The following PRKACB variants were observed in gnomAD, a reference collection of about 807,000 sequenced individuals.
PRKACB encodes the protein protein kinase cAMP-activated catalytic subunit beta, also known as cAMP-dependent protein kinase catalytic subunit beta.
A neutral mutation model predicts 51.4 loss-of-function variants in PRKACB; 16 were observed. That is an observed-to-expected ratio of 0.31 (90% CI 0.21 to 0.47). PRKACB has a LOEUF of 0.47. Ranked by LOEUF, PRKACB falls within the 20% of genes least tolerant of loss-of-function variation. The pLI, the probability that PRKACB is intolerant of heterozygous loss-of-function variation, is 1.00. For synonymous variants in PRKACB, 147 were observed against 154.4 expected (o/e 0.95, Z 0.35); for missense variants, 309 against 464.5 (o/e 0.67, Z 3.08).
chr1:84,112,093 CA>C (rs1323656918), intron 1 of PRKACB, among the ~76,000 whole-genome samples: 1 of 151,606 alleles, frequency 6.6e-6, no homozygotes, highest in African/African-American at 2.4e-5. Flanking sequence ...CTCAAAGACA[CA>C]AGATTAAATG....
At chr1:84,158,725 T>C (rs1655820962) in intron 1 of PRKACB, among the ~76,000 whole-genome samples, 1 of 152,172 alleles carries the variant, frequency 6.6e-6, no homozygotes, top group Non-Finnish European at 1.5e-5. Flanking sequence ...TGGTACCAGA[T>C]CTTAAGAAAT....
chr1:84,126,661 C>T (rs539675578), intron 1 of PRKACB, among the ~76,000 whole-genome samples: 183 of 152,254 alleles, frequency 1.2e-3, no homozygotes, highest in Middle Eastern at 3.4e-3. Flanking sequence ...GTGTGGCCCT[C>T]GTTGGGGTCT....
chr1:84,204,481 G>T, intron 8 of PRKACB: 2 of 1,589,368 alleles, frequency 1.3e-6, no homozygotes, highest in Non-Finnish European at 1.7e-6. Flanking sequence ...TCTCCCAGCA[G>T]AACTTTTGAT....
chr1:84,218,855 T>A (rs531117915), intron 9 of PRKACB, among the ~76,000 whole-genome samples: 1 of 152,234 alleles, frequency 6.6e-6, no homozygotes, highest in African/African-American at 2.4e-5. Context: ...CGATGATATC[T>A]CACTGTGGTT....
chr1:84,234,749 G>A (rs1231265405), intron 9 of PRKACB, among the ~76,000 whole-genome samples: 1 of 152,222 alleles, frequency 6.6e-6, no homozygotes, highest in Admixed American at 6.5e-5. Context: ...TCCTGAGTGA[G>A]GCAATGCCTT....
chr1:84,080,513 G>A (rs1400321942), intron 1 of PRKACB, among the ~76,000 whole-genome samples: 2 of 152,134 alleles, frequency 1.3e-5, no homozygotes, highest in African/African-American at 4.8e-5. Context: ...AAAAAAAATA[G>A]CATGTTATGT....
chr1:84,206,669 C>T (rs563992307), intron 8 of PRKACB, among the ~76,000 whole-genome samples: 2 of 152,192 alleles, frequency 1.3e-5, no homozygotes, highest in Non-Finnish European at 2.9e-5. Context: ...TATGCACCCT[C>T]TGCCTAGCAC....
chr1:84,158,230 G>A (rs563200335), intron 1 of PRKACB, among the ~76,000 whole-genome samples: 15 of 152,098 alleles, frequency 9.9e-5, no homozygotes, highest in African/African-American at 3.4e-4. Flanking sequence ...TAGACATGGG[G>A]TTTTACTATG....
intron 1 of PRKACB, among the ~76,000 whole-genome samples, chr1:84,103,401 G>C (rs1446883335): frequency 6.7e-6 from 1 of 149,954 alleles, no homozygotes; most frequent in Non-Finnish European, 1.5e-5. Context: ...TAGCCACTTA[G>C]AGAGAAAGAG....
intron 1 of PRKACB, among the ~76,000 whole-genome samples, chr1:84,108,260 G>T (rs1329236326): frequency 6.6e-6 from 1 of 151,990 alleles, no homozygotes; most frequent in Non-Finnish European, 1.5e-5. Flanking sequence ...ACTTATAAGT[G>T]GGAGCTAAAT....
At chr1:84,083,445 A>C (rs1234592082) in intron 1 of PRKACB, among the ~76,000 whole-genome samples, 1 of 152,096 alleles carries the variant, frequency 6.6e-6, no homozygotes, top group African/African-American at 2.4e-5. Flanking sequence ...CTGTAGACAG[A>C]TTGTTGCTTT....
intron 1 of PRKACB, among the ~76,000 whole-genome samples, chr1:84,091,616 C>T (rs370052194): frequency 1.1e-3 from 173 of 152,062 alleles, no homozygotes; most frequent in African/African-American, 3.9e-3. Flanking sequence ...TGATCCCTCC[C>T]GCCTTAGCCT....
chr1:84,196,694 A>G lies in PRKACB; in HGVS notation c.639A>G (p.Arg213=). ...TCCATTCACTAGACCTCATCTACAG[A>G]GATCTAAAACCTGAAAATCTCTTAA... ...EYLHSLDLIY[R]DLKPENLLID... is the part of the protein sequence containing the mutation. The change falls in exon 6 of 10, where the codon AGA becomes AGG. Residue 213 remains arginine (R), a synonymous_variant. Coordinates refer to ENST00000370685, the MANE Select transcript of PRKACB (RefSeq NM_182948.4). 6.2e-7 allele frequency: 1 copy of G among 1,613,396 alleles called. No homozygotes were observed. Among genetic ancestry groups the G allele is most frequent in the African/African-American group, 1.3e-5 (1 of 75,018 alleles).
chr1:84,176,669 C>CA (rs1160625534), intron 1 of PRKACB, among the ~76,000 whole-genome samples: 3 of 151,556 alleles, frequency 2.0e-5, no homozygotes, highest in Non-Finnish European at 4.4e-5. Flanking sequence ...ACTTAGTGCC[C>CA]ATCCTTTAAT....
At chr1:84,107,236 A>T (rs1649825410) in intron 1 of PRKACB, among the ~76,000 whole-genome samples, 1 of 152,184 alleles carries the variant, frequency 6.6e-6, no homozygotes, top group Admixed American at 6.5e-5. Context: ...GCAATGGAGA[A>T]AGGACTCCCT....
At chr1:84,218,394 G>T (rs899250365) in intron 9 of PRKACB, among the ~76,000 whole-genome samples, 3 of 152,094 alleles carry the variant, frequency 2.0e-5, no homozygotes, top group African/African-American at 7.2e-5. Context: ...GGTTCCACAT[G>T]TAAGTAAGAA....
chr1:84,082,272 C>T (rs1427066812), intron 1 of PRKACB, among the ~76,000 whole-genome samples: 5 of 152,014 alleles, frequency 3.3e-5, no homozygotes, highest in African/African-American at 1.2e-4. Context: ...ATAGAATAGC[C>T]GATGCTAAGA....
At chr1:84,105,764 G>A (rs1014168747) in intron 1 of PRKACB, among the ~76,000 whole-genome samples, 2 of 151,914 alleles carry the variant, frequency 1.3e-5, no homozygotes, top group African/African-American at 2.4e-5. Flanking sequence ...TTTTAGGAGA[G>A]ATGGGATTTT....
At chr1:84,155,540 A>G (rs1224094431) in intron 1 of PRKACB, among the ~76,000 whole-genome samples, 2 of 152,232 alleles carry the variant, frequency 1.3e-5, no homozygotes, top group African/African-American at 4.8e-5. Flanking sequence ...ATAGAAACAC[A>G]AAAGACCCTA....
Sources: allele counts gnomAD v4.1 joint callset (sites outside exome capture counted in the v4.1 genomes callset), GRCh38; gene constraint gnomAD v4.1.1; transcripts MANE v1.5; gene names NCBI Gene and HGNC (gene_info 2026-07-23, HGNC 2026-07-21).